The following ADD3 variants were observed in gnomAD, a reference collection of about 807,000 sequenced individuals.
ADD3 encodes gamma-adducin.
In ADD3, 25 loss-of-function variants were observed where a neutral mutation model predicts 80.2. The observed-to-expected ratio is 0.31, with a 90% confidence interval of 0.23 to 0.44. The LOEUF (loss-of-function observed/expected upper bound fraction) is 0.44. Among genes scored for constraint, ADD3 ranks in the 20% least tolerant of loss-of-function variants. The probability of loss-of-function intolerance (pLI) is 1.00; values close to 1 mark genes in which losing one functional copy is unlikely to be tolerated. For synonymous variants in ADD3, 284 were observed against 289.6 expected, an observed-to-expected ratio of 0.98 and a Z score of 0.20; for missense variants, 829 against 847.5, an observed-to-expected ratio of 0.98 and a Z score of 0.27.
At chr10:110,022,373 AAAAAC>A (rs1387894893) in intron 1 of ADD3, among the ~76,000 whole-genome samples, 2 of 152,214 alleles carry the variant, frequency 1.3e-5, no homozygotes, top group African/African-American at 4.8e-5. Context: ...CCTTCATAAA[AAAAAC>A]AGAACCATCA....
At chr10:110,070,651 T>C (rs1480628289) in intron 1 of ADD3, among the ~76,000 whole-genome samples, 1 of 152,094 alleles carries the variant, frequency 6.6e-6, no homozygotes, top group Non-Finnish European at 1.5e-5. Context: ...ATCATGCCAC[T>C]GAGTATATAG....
At chr10:110,124,375 A>ATTT in intron 10 of ADD3, 101 bp downstream of exon 10, 1 of 1,317,368 alleles carries the variant, frequency 7.6e-7, no homozygotes, top group Non-Finnish European at 1.0e-6. Flanking sequence ...GTAAAATAAT[A>ATTT]TTAAAAATAT....
chr10:110,038,069 C>CAAAAA (rs754609555), intron 1 of ADD3, among the ~76,000 whole-genome samples: 6 of 43,804 alleles, frequency 1.4e-4, no homozygotes, highest in East Asian at 7.6e-4. Context: ...AACTCCGTCT[C>CAAAAA]AAAAAAAAAA....
chr10:110,004,666 C>G (rs1851563023), upstream of ADD3, among the ~76,000 whole-genome samples: 1 of 151,780 alleles, frequency 6.6e-6, no homozygotes, highest in South Asian at 2.1e-4. Flanking sequence ...AACTAAGAAC[C>G]AAATAAGGTT....
At chr10:110,002,604 A>G (rs1589680851), upstream of ADD3, among the ~76,000 whole-genome samples, 2 of 152,218 alleles carry the variant, frequency 1.3e-5, no homozygotes, top group South Asian at 2.1e-4. Context: ...TTGAGTTTCT[A>G]TGAGTCTTTA....
intron 12 of ADD3, 127 bp downstream of exon 12, chr10:110,126,630 T>G: frequency 1.5e-6 from 1 of 685,162 alleles, no homozygotes; most frequent in Non-Finnish European, 2.4e-6. Flanking sequence ...ACTCACAAGA[T>G]TTAAAATGTC....
chr10:110,126,029 A>G, intron 11 of ADD3, 84 bp downstream of exon 11: 1 of 1,386,824 alleles, frequency 7.2e-7, no homozygotes, highest in Non-Finnish European at 9.8e-7. Flanking sequence ...GGTTAATGCC[A>G]AACTTAGAAG....
intron 1 of ADD3, among the ~76,000 whole-genome samples, chr10:110,013,767 T>C (rs1468409359): frequency 6.6e-6 from 1 of 152,228 alleles, no homozygotes; most frequent in African/African-American, 2.4e-5. Flanking sequence ...TCAGATGGAA[T>C]GAAAGAGGAG....
chr10:110,041,577 A>T (rs1298083107), intron 1 of ADD3, among the ~76,000 whole-genome samples: 1 of 152,206 alleles, frequency 6.6e-6, no homozygotes, highest in Admixed American at 6.5e-5. Flanking sequence ...CTTCTAGATT[A>T]TGTGTGATAT....
intron 1 of ADD3, among the ~76,000 whole-genome samples, chr10:110,019,859 T>G (rs1376611375): frequency 6.6e-6 from 1 of 152,112 alleles, no homozygotes; most frequent in Non-Finnish European, 1.5e-5. Flanking sequence ...ACCATGAAGG[T>G]CCTTGGCTCT....
chr10:110,034,856 A>G lies in ADD3; in HGVS notation c.-30+26557A>G, dbSNP rs116220372. ...TGTCGTTTTGTGAGTAATAGGAAAT[A>G]CTAAGTATAGACAAGCTTCTAAGTG... On this transcript the variant is annotated intron_variant, in intron 1 of 14. Transcript: ENST00000356080. Among the ~76,000 whole-genome samples, 469 of 152,374 alleles carry G rather than the reference A, an allele frequency of 3.1e-3. 3 individuals carry two copies. The highest frequency in any genetic ancestry group is 0.011 in the African/African-American group (442 of 41,596).
At chr10:110,003,302 G>GGGGTGTGTGTGTGTGTGTGTGTGTGT (rs140966434), upstream of ADD3, among the ~76,000 whole-genome samples, 27 of 147,030 alleles carry the variant, frequency 1.8e-4, no homozygotes, top group East Asian at 1.2e-3. Flanking sequence ...GAACAGTAAG[G>GGGGTGTGTGTGTGTGTGTGTGTGTGT]GTGTGTGTGT....
chr10:110,031,170 A>G (rs1854971642), intron 1 of ADD3, among the ~76,000 whole-genome samples: 1 of 152,186 alleles, frequency 6.6e-6, no homozygotes, highest in Non-Finnish European at 1.5e-5. Context: ...GCTACTCGGG[A>G]GACTGAGGCA....
chr10:110,131,652 T>C (rs942711869), intron 13 of ADD3, among the ~76,000 whole-genome samples: 1 of 152,234 alleles, frequency 6.6e-6, no homozygotes, highest in Non-Finnish European at 1.5e-5. Context: ...TTAATGTAAT[T>C]ATACTAAATT....
At chr10:110,004,876 C>A (rs1851568142), upstream of ADD3, among the ~76,000 whole-genome samples, 1 of 152,040 alleles carries the variant, frequency 6.6e-6, no homozygotes, top group South Asian at 2.1e-4. Flanking sequence ...AATGCAGATT[C>A]TCAGGTGGAC....
intron 2 of ADD3, among the ~76,000 whole-genome samples, chr10:110,101,796 T>C (rs1208156034): frequency 3.9e-5 from 6 of 152,186 alleles, no homozygotes; most frequent in Non-Finnish European, 8.8e-5. Context: ...TGATTTAAAA[T>C]GCAAAATGAA....
At chr10:110,025,995 G>A (rs1301090722) in intron 1 of ADD3, among the ~76,000 whole-genome samples, 4 of 152,080 alleles carry the variant, frequency 2.6e-5, no homozygotes, top group African/African-American at 9.7e-5. Context: ...AATGTGTCAG[G>A]ATCTTTCTTG....
chr10:110,062,585 T>A (rs1268692221), intron 1 of ADD3, among the ~76,000 whole-genome samples: 1 of 152,050 alleles, frequency 6.6e-6, no homozygotes, highest in African/African-American at 2.4e-5. Flanking sequence ...GTCTCAAAAA[T>A]TAAATAAAAT....
At chr10:110,088,562 G>T (rs996164394) in intron 1 of ADD3, among the ~76,000 whole-genome samples, 36 of 152,280 alleles carry the variant, frequency 2.4e-4, no homozygotes, top group African/African-American at 8.7e-4. Context: ...AGCCAAAATC[G>T]GAAGGCAGAA....
Sources: gnomAD v4.1 joint callset for allele counts (sites outside exome capture counted in the v4.1 genomes callset) on GRCh38, gnomAD v4.1.1 for gene constraint, MANE v1.5 for transcripts, NCBI Gene and HGNC (gene_info 2026-07-23, HGNC 2026-07-21) for gene names.